COA1: variants seen among roughly 807,000 people sequenced by gnomAD.
COA1 encodes cytochrome c oxidase assembly factor 1, also known as cytochrome c oxidase assembly factor 1 homolog.
COA1 carries 13 observed loss-of-function variants against 16.0 expected under a neutral mutation model. The observed-to-expected ratio is 0.81, with a 90% confidence interval of 0.53 to 1.29. The LOEUF (loss-of-function observed/expected upper bound fraction) is 1.29, where lower values mean the gene tolerates loss of function less well. COA1 is among the 50% of genes most tolerant of loss of function. COA1 has a pLI of 0.00. For synonymous variants in COA1, 65 were observed against 65.7 expected, an observed-to-expected ratio of 0.99 and a Z score of 0.05; for missense variants, 179 against 177.0, an observed-to-expected ratio of 1.01 and a Z score of -0.06.
intron 6 of COA1, chr7:43,631,817 T>A (rs1345733011): frequency 6.6e-6 from 1 of 152,230 alleles, no homozygotes; most frequent in Non-Finnish European, 1.5e-5. Flanking sequence ...GTAAGTCACA[T>A]GAATTTTTTG....
intron 1 of COA1, among the ~76,000 whole-genome samples, chr7:43,690,791 C>T (rs1018081979): frequency 6.6e-6 from 1 of 152,174 alleles, no homozygotes; most frequent in Non-Finnish European, 1.5e-5. Flanking sequence ...CATTGATACA[C>T]TGCCTGTAAG....
chr7:43,616,537 CG>C (rs1237964069), intron 6 of COA1, among the ~76,000 whole-genome samples: 1 of 152,102 alleles, frequency 6.6e-6, no homozygotes, highest in Non-Finnish European at 1.5e-5. Context: ...GATAAACCTA[CG>C]GGCATTTTCA....
Position 43,639,422 on chromosome 7 carries a change from C to T in COA1, c.*160G>A. 1.8e-6 allele frequency: 1 copy of T among 548,654 alleles called. No homozygotes were observed. Among genetic ancestry groups the T allele is most frequent in the Non-Finnish European group, 3.3e-6 (1 of 302,248 alleles). The allele number at this position is 548,654 out of a possible 1,614,324, so 34.0% of individuals were successfully genotyped here. ...TTGTTGTGCCCAAGTTAGAATTACACCAAAATTACCATGTGCTGGCACATA... is the reference window on the plus strand; with the variant it reads ...TTGTTGTGCCCAAGTTAGAATTACATCAAAATTACCATGTGCTGGCACATA... On this transcript the variant is annotated 3_prime_UTR_variant, in exon 6 of 6. Coordinates refer to ENST00000223336, the MANE Select transcript of COA1 (RefSeq NM_018224.4).
chr7:43,666,042 C>G (rs1055649348), intron 1 of COA1, among the ~76,000 whole-genome samples: 1 of 152,174 alleles, frequency 6.6e-6, no homozygotes, highest in Non-Finnish European at 1.5e-5. Context: ...GATTCAAATG[C>G]TAATCTCTTC....
intron 6 of COA1, among the ~76,000 whole-genome samples, chr7:43,622,120 A>G (rs760566103): frequency 8.5e-5 from 13 of 152,222 alleles, no homozygotes; most frequent in Non-Finnish European, 1.6e-4. Flanking sequence ...CACTCAAAAA[A>G]GTAAGCTATT....
intron 1 of COA1, among the ~76,000 whole-genome samples, chr7:43,710,521 G>A (rs1450684424): frequency 6.6e-6 from 1 of 151,290 alleles, no homozygotes; most frequent in East Asian, 1.9e-4. Context: ...ATAGCTCTTT[G>A]GTAGGTGAAG....
intron 1 of COA1, among the ~76,000 whole-genome samples, chr7:43,684,158 T>C (rs1049713676): frequency 1.3e-5 from 2 of 152,086 alleles, no homozygotes; most frequent in East Asian, 3.9e-4. Flanking sequence ...GGGGATGGTT[T>C]TGGGATAAAA....
At chr7:43,690,186 CAG>C (rs1302237528) in intron 1 of COA1, among the ~76,000 whole-genome samples, 1 of 152,084 alleles carries the variant, frequency 6.6e-6, no homozygotes, top group East Asian at 1.9e-4. Flanking sequence ...CTATGAAAAA[CAG>C]TGTGAAGATT....
chr7:43,686,825 T>C (rs2094056966), intron 1 of COA1, among the ~76,000 whole-genome samples: 1 of 152,216 alleles, frequency 6.6e-6, no homozygotes, highest in African/African-American at 2.4e-5. Flanking sequence ...AGGCTCTGTA[T>C]ATGGTACTAC....
At position 43,639,432 on chromosome 7, in the gene COA1, C is replaced by A; in HGVS notation, c.*150G>T. The A allele has an allele frequency of 3.5e-6, 2 of 568,916 alleles. No individual in the cohort carries two copies. The highest frequency in any genetic ancestry group is 5.2e-5 in the South Asian group (2 of 38,622). 35.2% of individuals were successfully genotyped at this position (568,916 alleles called of 1,614,324 possible). On this transcript the variant is annotated 3_prime_UTR_variant, in exon 6 of 6. Coordinates refer to ENST00000223336, the MANE Select transcript of COA1 (RefSeq NM_018224.4). ...CAAGTTAGAATTACACCAAAATTAC[C>A]ATGTGCTGGCACATACCATCATCCC...
At chr7:43,618,414 C>T (rs889912471) in intron 6 of COA1, among the ~76,000 whole-genome samples, 1 of 152,160 alleles carries the variant, frequency 6.6e-6, no homozygotes, top group Non-Finnish European at 1.5e-5. Flanking sequence ...TTAGGGATTA[C>T]AGACTGTTTG....
intron 1 of COA1, among the ~76,000 whole-genome samples, chr7:43,660,985 T>C (rs1180728954): frequency 6.6e-6 from 1 of 152,204 alleles, no homozygotes; most frequent in Non-Finnish European, 1.5e-5. Flanking sequence ...TGAGTTACAC[T>C]GAGCAGAACA....
chr7:43,699,509 A>G (rs1455882665), intron 1 of COA1, among the ~76,000 whole-genome samples: 1 of 152,172 alleles, frequency 6.6e-6, no homozygotes, highest in Admixed American at 6.5e-5. Flanking sequence ...ATTTGCTCCT[A>G]GTACAGTTTC....
chr7:43,680,164 T>A (rs1288456472), intron 1 of COA1, among the ~76,000 whole-genome samples: 1 of 151,674 alleles, frequency 6.6e-6, no homozygotes, highest in Non-Finnish European at 1.5e-5. Flanking sequence ...CTACCCTTGA[T>A]AAGGATATTT....
chr7:43,623,449 T>G, intron 6 of COA1: 1 of 753,666 alleles, frequency 1.3e-6, no homozygotes, highest in Non-Finnish European at 2.2e-6. Context: ...ATGGTAACCT[T>G]TCATTTTAGC....
At chr7:43,634,793 T>G (rs1239327280), downstream of COA1, among the ~76,000 whole-genome samples, 1 of 152,234 alleles carries the variant, frequency 6.6e-6, no homozygotes, top group Admixed American at 6.5e-5. Flanking sequence ...GTCCTGATCC[T>G]TTGGCTAGAG....
chr7:43,646,762 T>C lies in COA1; in HGVS notation c.115+773A>G, dbSNP rs562937127. 684 of 370,602 alleles carry C rather than the reference T, an allele frequency of 1.8e-3. 3 individuals carry two copies. Among genetic ancestry groups the C allele is most frequent in the Non-Finnish European group, 2.8e-3 (505 of 181,306 alleles). 23.0% of individuals were successfully genotyped at this position (370,602 alleles called of 1,614,324 possible). A position where few individuals can be genotyped will look rare whatever the true frequency, so the allele number is the denominator to read the frequency against. On this transcript the variant is annotated intron_variant, in intron 3 of 5. Coordinates refer to ENST00000223336, the MANE Select transcript of COA1 (RefSeq NM_018224.4). Reference sequence around the variant, plus strand: ...CCAGACTCTGCAACTCCACCAACTCTGCAGGATGGTGCAGAAAGGCTGGAG... The same window carrying C: ...CCAGACTCTGCAACTCCACCAACTCCGCAGGATGGTGCAGAAAGGCTGGAG...
Position 43,702,662 on chromosome 7 carries a change from T to C in COA1, c.-39+26767A>G, listed in dbSNP as rs550445110. 3.9e-5 allele frequency among the ~76,000 whole-genome samples: 6 copies of C among 152,296 alleles called. No individual in the cohort carries two copies. In the East Asian group the frequency reaches 5.8e-4, roughly 15 times the overall value. ...TAGTTTCTCTACATAGGGGTGTTCATAATAGTCTCTGAGGGTTTTTGTGTT... is the reference window on the plus strand; with the variant it reads ...TAGTTTCTCTACATAGGGGTGTTCACAATAGTCTCTGAGGGTTTTTGTGTT... On this transcript the variant is annotated intron_variant, in intron 1 of 5. Coordinates refer to ENST00000223336, the MANE Select transcript of COA1 (RefSeq NM_018224.4).
intron 4 of COA1, among the ~76,000 whole-genome samples, chr7:43,645,024 T>C (rs1387515025): frequency 1.3e-5 from 2 of 152,072 alleles, no homozygotes; most frequent in Non-Finnish European, 2.9e-5. Flanking sequence ...GCCACATCAA[T>C]TCCCCAGAAT....
Sources: allele counts gnomAD v4.1 joint callset (sites outside exome capture counted in the v4.1 genomes callset), GRCh38; gene constraint gnomAD v4.1.1; transcripts MANE v1.5; gene names NCBI Gene and HGNC (gene_info 2026-07-23, HGNC 2026-07-21).